Variants in IMPG2 observed in about 807,000 individuals in gnomAD.
IMPG2 encodes IPM 200.
Under a neutral mutation model 129.2 loss-of-function variants are expected in IMPG2, and 91 were observed. The ratio of observed to expected loss-of-function variants is 0.70; its 90% CI spans 0.59 to 0.84. IMPG2 has a LOEUF of 0.84. IMPG2 is among the 40% of genes least tolerant of loss of function. The probability of loss-of-function intolerance (pLI) is 0.00; values close to 1 mark genes in which losing one functional copy is unlikely to be tolerated. For synonymous variants in IMPG2, 510 were observed against 517.7 expected, an observed-to-expected ratio of 0.99 and a Z score of 0.20; for missense variants, 1,430 against 1,461.7, an observed-to-expected ratio of 0.98 and a Z score of 0.35.
chr3:101,305,112 G>A (rs1707175539), intron 2 of IMPG2, among the ~76,000 whole-genome samples: 1 of 152,044 alleles, frequency 6.6e-6, no homozygotes, highest in South Asian at 2.1e-4. Context: ...CCTTCAATAG[G>A]TGAAAGGATG....
At position 101,259,709 on chromosome 3, in the gene IMPG2, A is replaced by G. The variant is rs1049366918; in HGVS notation, c.909-1936T>C. On this transcript the variant is annotated intron_variant, in intron 9 of 18. Transcript: ENST00000193391. ...AAAAAAGATATTAGTCAGCTAATTTATGTTACTAGTTAGTGGAAAGCTTCT... is the reference window on the plus strand; with the variant it reads ...AAAAAAGATATTAGTCAGCTAATTTGTGTTACTAGTTAGTGGAAAGCTTCT... 2.0e-5 allele frequency among the ~76,000 whole-genome samples: 3 copies of G among 152,082 alleles called. No homozygotes were observed. The South Asian group carries it at 6.2e-4, about 32-fold the overall frequency.
chr3:101,236,051 A>G (rs1450187063), intron 14 of IMPG2, among the ~76,000 whole-genome samples: 1 of 152,204 alleles, frequency 6.6e-6, no homozygotes, highest in Non-Finnish European at 1.5e-5. Context: ...CCTTCATTCC[A>G]TTAGCAAATG....
At chr3:101,269,847 T>G (rs1165010450) in intron 7 of IMPG2, among the ~76,000 whole-genome samples, 1 of 151,756 alleles carries the variant, frequency 6.6e-6, no homozygotes, top group Non-Finnish European at 1.5e-5. Flanking sequence ...GGCAAAGCAC[T>G]GTTTTTCCCT....
At position 101,244,672 on chromosome 3, in the gene IMPG2, C is replaced by T. The variant is rs1438385679; in HGVS notation, c.1659G>A (p.Val553=). 1.2e-6 allele frequency: 2 copies of T among 1,613,944 alleles called. No individual in the cohort carries two copies. The highest frequency in any genetic ancestry group is 2.7e-5 in the African/African-American group (2 of 74,922). ...ETIPSMEDSD[V]SLTSSPYLTS... ...TCAGATATGGTGAAGATGTTAAGGA[C>T]ACATCAGAGTCTTCCATGGATGGTA... Residue 553 remains valine (V), a synonymous_variant, in exon 13 of 19, where the codon GTG becomes GTA. Coordinates refer to ENST00000193391, the MANE Select transcript of IMPG2 (RefSeq NM_016247.4).
chr3:101,278,338 T>C (rs907850050), intron 4 of IMPG2, among the ~76,000 whole-genome samples: 1 of 152,202 alleles, frequency 6.6e-6, no homozygotes, highest in South Asian at 2.1e-4. Context: ...TGCCCAGGTC[T>C]GTGATGTGCC....
chr3:101,289,740 A>G (rs1706985270), intron 4 of IMPG2, among the ~76,000 whole-genome samples: 1 of 151,922 alleles, frequency 6.6e-6, no homozygotes, highest in African/African-American at 2.4e-5. Flanking sequence ...TATTCTTTTG[A>G]AGATTTCTGG....
At chr3:101,227,768 C>T (rs750010779) in intron 18 of IMPG2, 8 of 455,868 alleles carry the variant, frequency 1.8e-5, no homozygotes, top group South Asian at 1.1e-4. Context: ...GTTATCTCTA[C>T]CATGCACATG....
At chr3:101,295,377 C>T (rs977205129) in intron 3 of IMPG2, among the ~76,000 whole-genome samples, 5 of 152,132 alleles carry the variant, frequency 3.3e-5, no homozygotes, top group African/African-American at 9.7e-5. Context: ...TGTCAAAGAT[C>T]AGATGGTTGT....
intron 14 of IMPG2, among the ~76,000 whole-genome samples, chr3:101,239,861 T>C (rs190725366): frequency 3.3e-5 from 5 of 152,210 alleles, no homozygotes; most frequent in South Asian, 2.1e-4. Context: ...TAAGTGGAAG[T>C]TGAACAATGA....
intron 2 of IMPG2, among the ~76,000 whole-genome samples, chr3:101,307,548 A>G (rs1477312611): frequency 6.6e-6 from 1 of 152,184 alleles, no homozygotes; most frequent in Non-Finnish European, 1.5e-5. Context: ...AAGTGGGGGA[A>G]AGCCCCTTAA....
rs376439668 is a variant in IMPG2 at position 101,275,758 on chromosome 3, G to C, written c.584-13C>G. On this transcript the variant is annotated splice_polypyrimidine_tract_variant and intron_variant, in intron 5 of 18. Coordinates refer to ENST00000193391, the MANE Select transcript of IMPG2 (RefSeq NM_016247.4). ...CTGAGAGTAGTGTCTAAGAAGAAAA[G>C]CAAAAACATATGCATGAATTCAGTC... The C allele has an allele frequency of 6.9e-6, 11 of 1,595,912 alleles. No individual in the cohort carries two copies. The African/African-American group carries it at 1.5e-4, about 21-fold the overall frequency.
At chr3:101,303,734 A>C (rs1385727029) in intron 3 of IMPG2, among the ~76,000 whole-genome samples, 2 of 152,218 alleles carry the variant, frequency 1.3e-5, no homozygotes, top group African/African-American at 4.8e-5. Context: ...CAAATGAACT[A>C]TGTCCTCTAT....
At chr3:101,262,388 C>A (rs1322671928) in intron 9 of IMPG2, among the ~76,000 whole-genome samples, 1 of 152,010 alleles carries the variant, frequency 6.6e-6, no homozygotes, top group Non-Finnish European at 1.5e-5. Context: ...TGTTATATAT[C>A]TCATAGACTA....
At chr3:101,271,895 A>G (rs563815453) in intron 7 of IMPG2, among the ~76,000 whole-genome samples, 107 of 152,256 alleles carry the variant, frequency 7.0e-4, no homozygotes, top group Non-Finnish European at 1.2e-3. Flanking sequence ...TAAATTAGAG[A>G]TGCTTGAATA....
intron 2 of IMPG2, among the ~76,000 whole-genome samples, chr3:101,306,615 A>T (rs953460987): frequency 2.6e-5 from 4 of 152,230 alleles, no homozygotes; most frequent in African/African-American, 9.6e-5. Context: ...CAAAAAGTGA[A>T]TGTCTATAAT....
At position 101,257,653 on chromosome 3, in the gene IMPG2, A is replaced by G. The variant is rs1168028067; in HGVS notation, c.1029T>C (p.Asp343=). The G allele has an allele frequency of 6.2e-7, 1 of 1,613,406 alleles. No homozygotes were observed. Among genetic ancestry groups the G allele is most frequent in the Non-Finnish European group, 8.5e-7 (1 of 1,179,606 alleles). The change falls in exon 10 of 19, where the codon GAT becomes GAC. Residue 343 remains aspartate (D), a synonymous_variant. Transcript: ENST00000193391. ...TGATTGTATAAACAACAGTGGGTTT[A>G]TCATCCAGTTCCACAAGGCCATGGT... ...VENHGLVELD[D]KPTVVYTISN... is the part of the protein sequence containing the mutation.
rs531354781 is a variant in IMPG2 at position 101,253,767 on chromosome 3, G to A, written c.1168C>T (p.Arg390Cys). 31 of 1,609,014 alleles carry A rather than the reference G, an allele frequency of 1.9e-5. No homozygotes were observed. The highest frequency in any genetic ancestry group is 3.3e-5 in the South Asian group (3 of 90,516). ...CAAACTAGATCTTCAGTTTGGTGAC[G>A]CAAAACTCCTCTCACTGAGGAAAGA... ...LQLINVRGVL[R>C]HQTEDLVWNT... The change falls in exon 11 of 19, where the codon CGT becomes TGT. Residue 390 changes from arginine to cysteine, a missense_variant. Transcript: ENST00000193391.
At chr3:101,239,426 A>G (rs541598049) in intron 14 of IMPG2, among the ~76,000 whole-genome samples, 3 of 152,364 alleles carry the variant, frequency 2.0e-5, no homozygotes, top group South Asian at 4.1e-4. Context: ...TTAAAAAGTC[A>G]GGAAACAACA....
At chr3:101,318,647 T>C (rs2058796655) in intron 2 of IMPG2, among the ~76,000 whole-genome samples, 1 of 152,100 alleles carries the variant, frequency 6.6e-6, no homozygotes, top group Non-Finnish European at 1.5e-5. Flanking sequence ...CAATAAACAT[T>C]TGTTGAATGA....
Sources: gnomAD v4.1 joint callset for allele counts (sites outside exome capture counted in the v4.1 genomes callset) on GRCh38, gnomAD v4.1.1 for gene constraint, MANE v1.5 for transcripts, NCBI Gene and HGNC (gene_info 2026-07-23, HGNC 2026-07-21) for gene names.